ADGRB3: variants seen among roughly 807,000 people sequenced by gnomAD.
The protein encoded by ADGRB3 is brain-specific angiogenesis inhibitor 3.
In ADGRB3, 37 loss-of-function variants were observed where a neutral mutation model predicts 193.4. That is an observed-to-expected ratio of 0.19 (90% confidence interval 0.15 to 0.25). The LOEUF (loss-of-function observed/expected upper bound fraction) is 0.25. Among genes scored for constraint, ADGRB3 ranks in the 10% least tolerant of loss-of-function variants. ADGRB3 has a pLI of 1.00. For missense variants in ADGRB3, 1,637 were observed against 1,852.9 expected, an observed-to-expected ratio of 0.88 and a Z score of 2.14; for synonymous variants, 690 against 644.2, an observed-to-expected ratio of 1.07 and a Z score of -1.08.
chr6:68,845,844 G>T (rs1768263005), intron 3 of ADGRB3, among the ~76,000 whole-genome samples: 1 of 152,154 alleles, frequency 6.6e-6, no homozygotes, highest in Admixed American at 6.6e-5. Flanking sequence ...AGTAGAGTGG[G>T]GTGCTGCTGA....
At position 69,252,897 on chromosome 6, in the gene ADGRB3, T is replaced by C. The variant is rs147408245; in HGVS notation, c.2814+13671T>C. Among the ~76,000 whole-genome samples the C allele has an allele frequency of 4.3e-3, 658 of 152,232 alleles. 5 individuals carry two copies. Among genetic ancestry groups the C allele is most frequent in the Middle Eastern group, 0.014 (4 of 294 alleles). ...AAATGTTTTTCTATATTATCTTATCTATATTCTAAGTTTTCCCTTGTCATC... is the reference window on the plus strand; with the variant it reads ...AAATGTTTTTCTATATTATCTTATCCATATTCTAAGTTTTCCCTTGTCATC... On this transcript the variant is annotated intron_variant, in intron 20 of 31. Transcript: ENST00000370598.
At chr6:68,784,020 T>C (rs1381692960) in intron 3 of ADGRB3, among the ~76,000 whole-genome samples, 2 of 152,134 alleles carry the variant, frequency 1.3e-5, no homozygotes, top group South Asian at 4.1e-4. Flanking sequence ...AAGATTTTTC[T>C]ATAAATGCTT....
intron 16 of ADGRB3, among the ~76,000 whole-genome samples, chr6:69,074,694 G>T (rs565665304): frequency 4.1e-4 from 63 of 152,064 alleles, no homozygotes; most frequent in African/African-American, 1.3e-3. Flanking sequence ...ACAGGCGCCT[G>T]CCACCACGTC....
chr6:69,027,912 T>G (rs1770485168), intron 13 of ADGRB3, among the ~76,000 whole-genome samples: 1 of 152,232 alleles, frequency 6.6e-6, no homozygotes, highest in Admixed American at 6.5e-5. Context: ...AAAATTTACT[T>G]TGGCAGCTAT....
intron 3 of ADGRB3, among the ~76,000 whole-genome samples, chr6:68,706,498 T>A (rs148637376): frequency 1.3e-5 from 2 of 152,290 alleles, no homozygotes; most frequent in African/African-American, 4.8e-5. Context: ...GTTTGTGTTG[T>A]TTCTGTAGCA....
At chr6:68,967,323 T>G (rs1220816770) in intron 8 of ADGRB3, among the ~76,000 whole-genome samples, 1 of 152,146 alleles carries the variant, frequency 6.6e-6, no homozygotes, top group Non-Finnish European at 1.5e-5. Flanking sequence ...AAGATAAAAT[T>G]CAGTAATAGA....
At chr6:69,073,608 G>C (rs1423580713) in intron 16 of ADGRB3, among the ~76,000 whole-genome samples, 1 of 152,118 alleles carries the variant, frequency 6.6e-6, no homozygotes, top group Non-Finnish European at 1.5e-5. Context: ...AAGGGGCCAG[G>C]CTCCTCCCCT....
At chr6:69,061,339 T>G (rs1159371523) in intron 15 of ADGRB3, among the ~76,000 whole-genome samples, 3 of 151,956 alleles carry the variant, frequency 2.0e-5, no homozygotes, top group Non-Finnish European at 4.4e-5. Flanking sequence ...CATTTTTTTC[T>G]GATGAAATCT....
chr6:68,840,369 C>CTTTTTTTTTTTTTTTTTTTTTTTTTTTTT (rs752625602), intron 3 of ADGRB3, among the ~76,000 whole-genome samples: 1 of 69,426 alleles, frequency 1.4e-5, no homozygotes, highest in Non-Finnish European at 2.4e-5. Flanking sequence ...ACTGGGCAGT[C>CTTTTTTTTTTTTTTTTTTTTTTTTTTTTT]TTTTTTTTTT....
chr6:69,040,336 T>TCTTC (rs2150297985), intron 13 of ADGRB3, among the ~76,000 whole-genome samples: 1 of 48,854 alleles, frequency 2.0e-5, no homozygotes, highest in Admixed American at 3.1e-4. Flanking sequence ...TTTCTTTCTT[T>TCTTC]CTTTCTTTCT....
chr6:68,687,614 CA>C (rs1386632624), intron 3 of ADGRB3, among the ~76,000 whole-genome samples: 8 of 152,190 alleles, frequency 5.3e-5, no homozygotes, highest in Admixed American at 2.6e-4. Flanking sequence ...GAATTAAGCA[CA>C]TAATTAGCCA....
At chr6:69,048,445 T>G in intron 14 of ADGRB3, 111 bp downstream of exon 14, 1 of 1,130,412 alleles carries the variant, frequency 8.8e-7, no homozygotes, top group Non-Finnish European at 1.2e-6. Flanking sequence ...TAGTCTGTAA[T>G]CATTATTTTA....
intron 17 of ADGRB3, among the ~76,000 whole-genome samples, chr6:69,141,649 T>C (rs372524610): frequency 9.9e-5 from 15 of 151,768 alleles, no homozygotes; most frequent in East Asian, 7.7e-4. Context: ...AAGGGGGAAG[T>C]GGGAAGCAGG....
intron 17 of ADGRB3, among the ~76,000 whole-genome samples, chr6:69,173,173 G>T (rs532527496): frequency 4.7e-4 from 71 of 152,326 alleles, no homozygotes; most frequent in African/African-American, 1.7e-3. Flanking sequence ...AAGTAGCTGG[G>T]ATTATGGGCA....
At chr6:69,287,568 C>T (rs1767579426) in intron 20 of ADGRB3, among the ~76,000 whole-genome samples, 1 of 152,104 alleles carries the variant, frequency 6.6e-6, no homozygotes, top group Admixed American at 6.6e-5. Context: ...TCACAAGAAC[C>T]CAGAACCACT....
chr6:68,751,909 G>A (rs1562015608), intron 3 of ADGRB3, among the ~76,000 whole-genome samples: 1 of 152,128 alleles, frequency 6.6e-6, no homozygotes, highest in South Asian at 2.1e-4. Flanking sequence ...GTGCCCTGAG[G>A]ATGTGATATA....
At chr6:69,221,509 C>T (rs1392058101) in intron 17 of ADGRB3, among the ~76,000 whole-genome samples, 1 of 152,122 alleles carries the variant, frequency 6.6e-6, no homozygotes, top group East Asian at 1.9e-4. Flanking sequence ...AACCTTAGGA[C>T]AGTGCTTCTT....
chr6:68,855,416 T>C (rs1239614507), intron 3 of ADGRB3, among the ~76,000 whole-genome samples: 1 of 151,890 alleles, frequency 6.6e-6, no homozygotes, highest in East Asian at 1.9e-4. Flanking sequence ...CTAATAGCAT[T>C]AATTTAATTT....
At chr6:69,075,197 C>T (rs1447330423) in intron 16 of ADGRB3, among the ~76,000 whole-genome samples, 3 of 152,062 alleles carry the variant, frequency 2.0e-5, no homozygotes. Context: ...AGTGTATGCT[C>T]CAGGAAATTA....
Sources: gnomAD v4.1 joint callset for allele counts (sites outside exome capture counted in the v4.1 genomes callset) on GRCh38, gnomAD v4.1.1 for gene constraint, MANE v1.5 for transcripts, NCBI Gene and HGNC (gene_info 2026-07-23, HGNC 2026-07-21) for gene names.